Variants in OCIAD1 observed in about 807,000 individuals in gnomAD.
The protein encoded by OCIAD1 is OCIA domain containing 1.
In OCIAD1, 29 loss-of-function variants were observed where a neutral mutation model predicts 38.9. The ratio of observed to expected loss-of-function variants is 0.74; its 90% CI spans 0.55 to 1.02. The LOEUF is 1.02. Among genes scored for constraint, OCIAD1 ranks in the 50% least tolerant of loss-of-function variants. The pLI is 0.00. For synonymous variants in OCIAD1, 110 were observed against 92.0 expected, an observed-to-expected ratio of 1.20 and a Z score of -1.12; for missense variants, 288 against 289.6, an observed-to-expected ratio of 0.99 and a Z score of 0.04.
At chr4:48,846,505 T>C (rs1268411472) in intron 4 of OCIAD1, among the ~76,000 whole-genome samples, 2 of 152,056 alleles carry the variant, frequency 1.3e-5, no homozygotes, top group African/African-American at 4.8e-5. Context: ...TCCCAGCACT[T>C]TGGGAGGCTG....
chr4:48,818,064 A>G (rs915283452), intron 1 of OCIAD1, among the ~76,000 whole-genome samples: 4 of 152,216 alleles, frequency 2.6e-5, no homozygotes, highest in African/African-American at 9.6e-5. Flanking sequence ...GCAGTGCACC[A>G]GCTCTTCTAA....
At chr4:48,810,773 G>A (rs560845571) in intron 1 of OCIAD1, among the ~76,000 whole-genome samples, 5 of 152,056 alleles carry the variant, frequency 3.3e-5, no homozygotes, top group East Asian at 3.9e-4. Flanking sequence ...AAGTGCTACC[G>A]AAGTGGAGGA....
rs1315026391 is a variant in OCIAD1, at chr4:48,833,500, TTAATA to T, written c.139+24_139+28del. 8 of 1,451,612 alleles carry T rather than the reference TTAATA, an allele frequency of 5.5e-6. No individual in the cohort carries two copies. In the African/African-American group the frequency reaches 1.1e-4, roughly 21 times the overall value. The allele number at this position is 1,451,612 out of a possible 1,614,324, so 89.9% of individuals were successfully genotyped here. The stretch of plus-strand genomic sequence containing the variant: ...TTCAGATGTGAGTTCAATTTTCTAA[TTAATA>T]TAATTTGATCCAAAATTTGTACCTG... On this transcript the variant is annotated intron_variant, in intron 3 of 8. Transcript: ENST00000264312.
upstream of OCIAD1, among the ~76,000 whole-genome samples, chr4:48,827,217 A>G (rs1412169619): frequency 1.3e-5 from 2 of 152,254 alleles, no homozygotes; most frequent in African/African-American, 2.4e-5. Flanking sequence ...TAAATCTTTT[A>G]TTGACACTGA....
intron 1 of OCIAD1, among the ~76,000 whole-genome samples, chr4:48,808,857 C>T (rs191038768): frequency 3.9e-5 from 6 of 152,346 alleles, no homozygotes; most frequent in Admixed American, 2.6e-4. Flanking sequence ...TCAAAATTTT[C>T]TCCCTCTAGT....
chr4:48,837,569 G>A (rs1778121311), intron 3 of OCIAD1, among the ~76,000 whole-genome samples: 1 of 151,508 alleles, frequency 6.6e-6, no homozygotes, highest in African/African-American at 2.4e-5. Flanking sequence ...GGGATTACAA[G>A]CATGAGCCAC....
intron 1 of OCIAD1, among the ~76,000 whole-genome samples, chr4:48,816,611 A>C (rs1777146189): frequency 6.6e-6 from 1 of 152,170 alleles, no homozygotes; most frequent in Non-Finnish European, 1.5e-5. Context: ...CTTTGAAATA[A>C]TATCTTTTAA....
intron 1 of OCIAD1, among the ~76,000 whole-genome samples, chr4:48,810,042 C>A (rs778272898): frequency 1.4e-4 from 21 of 152,110 alleles, no homozygotes; most frequent in Non-Finnish European, 2.8e-4. Context: ...ATAGTATCCA[C>A]CTCTTATTTT....
chr4:48,818,456 G>T (rs1327671882), intron 1 of OCIAD1, among the ~76,000 whole-genome samples: 3 of 152,124 alleles, frequency 2.0e-5, no homozygotes, highest in African/African-American at 7.2e-5. Flanking sequence ...ATAAATCCAC[G>T]AAGATGAGGA....
chr4:48,844,667 C>T (rs1778825139), intron 4 of OCIAD1, among the ~76,000 whole-genome samples: 1 of 152,030 alleles, frequency 6.6e-6, no homozygotes, highest in Non-Finnish European at 1.5e-5. Context: ...TTGGAATCCA[C>T]CAAGACATTT....
At chr4:48,853,842 G>C (rs1199038541) in intron 7 of OCIAD1, among the ~76,000 whole-genome samples, 1 of 152,148 alleles carries the variant, frequency 6.6e-6, no homozygotes, top group East Asian at 1.9e-4. Flanking sequence ...AAAGGGGTGA[G>C]TATTAGCCTT....
chr4:48,832,916 A>G (rs1455935627), intron 2 of OCIAD1, among the ~76,000 whole-genome samples: 1 of 152,120 alleles, frequency 6.6e-6, no homozygotes, highest in Non-Finnish European at 1.5e-5. Context: ...CCTGACTAGC[A>G]GATAGTAGCA....
At chr4:48,834,486 G>T (rs1777802796) in intron 3 of OCIAD1, among the ~76,000 whole-genome samples, 1 of 152,028 alleles carries the variant, frequency 6.6e-6, no homozygotes, top group African/African-American at 2.4e-5. Flanking sequence ...TTTAAAAAAG[G>T]CAACTTGGCA....
chr4:48,845,795 G>C (rs1448581149), intron 4 of OCIAD1, among the ~76,000 whole-genome samples: 2 of 152,042 alleles, frequency 1.3e-5, no homozygotes, highest in Non-Finnish European at 2.9e-5. Context: ...TCCCTTATCT[G>C]CCTTGTCCAA....
At chr4:48,846,897 G>A (rs1314470167) in intron 4 of OCIAD1, among the ~76,000 whole-genome samples, 1 of 152,152 alleles carries the variant, frequency 6.6e-6, no homozygotes, top group Non-Finnish European at 1.5e-5. Context: ...TCCTCTGTGT[G>A]AATACACCAG....
intron 2 of OCIAD1, 169 bp downstream of exon 2, chr4:48,832,851 A>T (rs1777640118): frequency 1.6e-6 from 1 of 619,626 alleles, no homozygotes; most frequent in African/African-American, 1.8e-5. Flanking sequence ...AATCATTTGG[A>T]TAAGGAGTCC....
At chr4:48,831,372 G>T in intron 1 of OCIAD1, 123 bp downstream of exon 1, 5 of 600,664 alleles carry the variant, frequency 8.3e-6, no homozygotes, top group South Asian at 4.5e-5. Flanking sequence ...GACAGATCGC[G>T]CTCGGGTCTC....
chr4:48,839,221 A>C (rs1056279427), intron 3 of OCIAD1, among the ~76,000 whole-genome samples: 1 of 152,148 alleles, frequency 6.6e-6, no homozygotes, highest in Non-Finnish European at 1.5e-5. Flanking sequence ...GGATCACTTG[A>C]GGTCAAGAGT....
At chr4:48,823,876 A>G (rs1777221931) in intron 1 of OCIAD1, among the ~76,000 whole-genome samples, 1 of 118,438 alleles carries the variant, frequency 8.4e-6, no homozygotes, top group Non-Finnish European at 1.6e-5. Context: ...TATGTTGCTC[A>G]GGCTGGTCTC....
Sources: allele counts gnomAD v4.1 joint callset (sites outside exome capture counted in the v4.1 genomes callset), GRCh38; gene constraint gnomAD v4.1.1; transcripts MANE v1.5; gene names NCBI Gene and HGNC (gene_info 2026-07-23, HGNC 2026-07-21).